The following CACNA1C variants were observed in gnomAD, a reference collection of about 807,000 sequenced individuals.
CACNA1C encodes the protein calcium voltage-gated channel subunit alpha1 C.
In CACNA1C, 30 loss-of-function variants were observed where a neutral mutation model predicts 229.0. That is an observed-to-expected ratio of 0.13 (90% CI 0.10 to 0.18). The LOEUF is 0.18. Ranked by LOEUF, CACNA1C falls within the 10% of genes least tolerant of loss-of-function variation. The pLI is 1.00. For synonymous variants in CACNA1C, 1,114 were observed against 1,132.5 expected, an observed-to-expected ratio of 0.98 and a Z score of 0.33; for missense variants, 1,658 against 2,845.0, an observed-to-expected ratio of 0.58 and a Z score of 9.49.
In CACNA1C at chr12:2,175,721, G is replaced by A. The variant is rs897107765; in HGVS notation, c.477+55291G>A. Among the ~76,000 whole-genome samples the A allele has an allele frequency of 2.0e-5, 3 of 152,126 alleles. No homozygotes were observed. The East Asian group carries it at 5.8e-4, about 29-fold the overall frequency. ...GATTCTGTCATTCCTTTTGCGTTGA[G>A]TAGCTGGAATTCTTCTATAAAGAAG... On this transcript the variant is annotated intron_variant, in intron 3 of 46. Transcript: ENST00000399655.
intron 1 of CACNA1C, among the ~76,000 whole-genome samples, chr12:2,114,429 C>G (rs998970315): frequency 1.3e-5 from 2 of 152,064 alleles, no homozygotes; most frequent in African/African-American, 4.8e-5. Context: ...TTTTGCTGTA[C>G]TTTATTGGTA....
At chr12:2,255,257 A>G (rs1363203657) in intron 3 of CACNA1C, among the ~76,000 whole-genome samples, 1 of 147,970 alleles carries the variant, frequency 6.8e-6, no homozygotes, top group Non-Finnish European at 1.5e-5. Context: ...GATGCTCAGC[A>G]TTCTGCTGCA....
chr12:2,111,005 T>TGTCTCACCCGAGAGGCCAC (rs1565756594), intron 1 of CACNA1C, among the ~76,000 whole-genome samples: 2 of 39,774 alleles, frequency 5.0e-5, no homozygotes, highest in Non-Finnish European at 6.5e-5. Context: ...CGAGAGGCCA[T>TGTCTCACCCGAGAGGCCAC]ACCTGTCTGT....
At position 2,108,416 on chromosome 12, in the gene CACNA1C, C is replaced by T. The variant is rs2080127962; in HGVS notation, c.50-6808C>T. 6.6e-6 allele frequency among the ~76,000 whole-genome samples: 1 copy of T among 152,214 alleles called. No individual in the cohort carries two copies. The highest frequency in any genetic ancestry group is 1.9e-4 in the East Asian group (1 of 5,200). Reference sequence around the variant, plus strand: ...GGATCACACCGCCTTATGCATGATCCAGGAATCAGGAAGCCACTGGTGTGG... The same window carrying T: ...GGATCACACCGCCTTATGCATGATCTAGGAATCAGGAAGCCACTGGTGTGG... On this transcript the variant is annotated intron_variant, in intron 1 of 46. Coordinates refer to ENST00000399655, the MANE Select transcript of CACNA1C (RefSeq NM_000719.7). The surrounding 1 kb of genome is among the most constrained non-coding windows in gnomAD (Gnocchi z 5.3).
chr12:2,108,741 C>G lies in CACNA1C; in HGVS notation c.50-6483C>G, dbSNP rs569381986. 6.6e-6 allele frequency among the ~76,000 whole-genome samples: 1 copy of G among 152,158 alleles called. No individual in the cohort carries two copies. The highest frequency in any genetic ancestry group is 1.5e-5 in the Non-Finnish European group (1 of 68,018). On this transcript the variant is annotated intron_variant, in intron 1 of 46. Transcript: ENST00000399655. This position sits in a 1 kb window ranked among gnomAD's most constrained non-coding sequence, Gnocchi z 5.3. The stretch of plus-strand genomic sequence containing the variant: ...AGGGCCTCGGGTTATCGTCTGAGAT[C>G]GAGAGACGGTGTCCTCTCTGTTCAC...
At chr12:2,100,582 CAAAAAAAAAA>C (rs71441677) in intron 1 of CACNA1C, among the ~76,000 whole-genome samples, 1 of 66,468 alleles carries the variant, frequency 1.5e-5, no homozygotes, top group Non-Finnish European at 3.1e-5. Flanking sequence ...CTGTTTCTAC[CAAAAAAAAAA>C]AAAAAAAAAA....
At chr12:2,013,032 T>C (rs1054305182) in intron 1 of CACNA1C, among the ~76,000 whole-genome samples, 1 of 152,194 alleles carries the variant, frequency 6.6e-6, no homozygotes, top group Non-Finnish European at 1.5e-5. Context: ...CTACAGAAAA[T>C]TAAACCTAGC....
rs2099766260 is a variant in CACNA1C, at chr12:2,504,028, A to AGGAG, written c.1114-814_1114-813insGGAG. On this transcript the variant is annotated intron_variant, in intron 7 of 46. Coordinates refer to ENST00000399655, the MANE Select transcript of CACNA1C (RefSeq NM_000719.7). The surrounding 1 kb of genome is among the most constrained non-coding windows in gnomAD (Gnocchi z 6.8). The stretch of plus-strand genomic sequence containing the variant: ...CAGGCCTGTCAGCAGGAGCTGACGC[A>AGGAG]CTTCATACACCAAGGTCAGGGGCCT... 6.6e-6 allele frequency among the ~76,000 whole-genome samples: 1 copy of AGGAG among 152,196 alleles called. No homozygotes were observed. The highest frequency in any genetic ancestry group is 1.5e-5 in the Non-Finnish European group (1 of 68,036).
chr12:2,441,222 G>T (rs1187806451), intron 3 of CACNA1C, among the ~76,000 whole-genome samples: 1 of 152,160 alleles, frequency 6.6e-6, no homozygotes, highest in Non-Finnish European at 1.5e-5. Context: ...AAGCTGTCTT[G>T]GTATGAGTTC....
chr12:2,657,056 G>C (rs111714579), intron 34 of CACNA1C, among the ~76,000 whole-genome samples: 2 of 152,126 alleles, frequency 1.3e-5, no homozygotes, highest in Non-Finnish European at 2.9e-5. Flanking sequence ...ATTTCCAAGT[G>C]TTTAAGGACC....
chr12:2,111,337 G>A (rs538253731), intron 1 of CACNA1C, among the ~76,000 whole-genome samples: 8 of 152,320 alleles, frequency 5.3e-5, no homozygotes, highest in South Asian at 2.1e-4. Context: ...GCCAGCTGCC[G>A]TCTTGGTAGC....
intron 5 of CACNA1C, among the ~76,000 whole-genome samples, chr12:2,460,696 G>C (rs2099494998): frequency 1.3e-5 from 2 of 152,192 alleles, no homozygotes; most frequent in Admixed American, 6.5e-5. Flanking sequence ...TACCTGCCGT[G>C]CAGTCCAGGA....
At chr12:2,599,940 G>T (rs937968048) in intron 21 of CACNA1C, among the ~76,000 whole-genome samples, 1 of 152,164 alleles carries the variant, frequency 6.6e-6, no homozygotes, top group Non-Finnish European at 1.5e-5. Flanking sequence ...GGTCTCATTT[G>T]AGGGTCCCTA....
chr12:2,668,798 AATTCTGGGG>A, intron 37 of CACNA1C, 126 bp from the exon 38 acceptor site: 1 of 665,282 alleles, frequency 1.5e-6, no homozygotes, highest in South Asian at 1.7e-5. Context: ...CCCCACCTCC[AATTCTGGGG>A]ATTACAATTC....
chr12:2,236,146 G>C (rs1203688707), intron 3 of CACNA1C, among the ~76,000 whole-genome samples: 1 of 152,160 alleles, frequency 6.6e-6, no homozygotes, highest in Non-Finnish European at 1.5e-5. Context: ...CAGAGCCGGA[G>C]ACCTCACAGT....
At chr12:2,194,392 C>T (rs1019645227) in intron 3 of CACNA1C, among the ~76,000 whole-genome samples, 1 of 147,784 alleles carries the variant, frequency 6.8e-6, no homozygotes, top group African/African-American at 2.5e-5. Flanking sequence ...CCTGCTCCCC[C>T]TCCTCTTCCT....
chr12:2,651,503 A>C lies in CACNA1C; in HGVS notation c.3946-137A>C, dbSNP rs170021. Reference sequence around the variant, plus strand: ...AAGTGGGCGGCCGCCCTCCCATCGGAGGGGGAAGTCTAGTGCAGCAAACCC... The same window carrying C: ...AAGTGGGCGGCCGCCCTCCCATCGGCGGGGGAAGTCTAGTGCAGCAAACCC... On this transcript the variant is annotated intron_variant, in intron 31 of 46. Coordinates refer to ENST00000399655, the MANE Select transcript of CACNA1C (RefSeq NM_000719.7). The surrounding 1 kb of genome is among the most constrained non-coding windows in gnomAD (Gnocchi z 5.4). The C allele has an allele frequency of 3.5e-3, 4,571 of 1,319,164 alleles. 130 individuals carry two copies. The African/African-American group carries it at 0.058, about 17-fold the overall frequency. The allele number at this position is 1,319,164 out of a possible 1,614,324, so 81.7% of individuals were successfully genotyped here.
chr12:2,183,971 A>G (rs889720562), intron 3 of CACNA1C, among the ~76,000 whole-genome samples: 3 of 152,172 alleles, frequency 2.0e-5, no homozygotes, highest in African/African-American at 7.2e-5. Context: ...AGACAGAGTG[A>G]TCTGGTATGT....
At chr12:2,681,582 C>T (rs1459000711) in intron 42 of CACNA1C, among the ~76,000 whole-genome samples, 1 of 152,206 alleles carries the variant, frequency 6.6e-6, no homozygotes, top group Non-Finnish European at 1.5e-5. Flanking sequence ...TCTGCGTCTC[C>T]AGCTCCTCCC....
Sources: allele counts gnomAD v4.1 joint callset (sites outside exome capture counted in the v4.1 genomes callset), GRCh38; gene constraint gnomAD v4.1.1; non-coding constraint Gnocchi (gnomAD v3.1); transcripts MANE v1.5; gene names NCBI Gene and HGNC (gene_info 2026-07-23, HGNC 2026-07-21).